The following USH2A variants were observed in gnomAD, a reference collection of about 807,000 sequenced individuals.
The protein encoded by USH2A is Usher syndrome 2A (autosomal recessive, mild).
Under a neutral mutation model 538.9 loss-of-function variants are expected in USH2A, and 443 were observed. The observed-to-expected ratio is 0.82, with a 90% CI of 0.76 to 0.89. The LOEUF is 0.89. USH2A is among the 40% of genes least tolerant of loss of function. USH2A has a pLI of 0.00. For synonymous variants in USH2A, 2,413 were observed against 2,273.5 expected (o/e 1.06, Z -1.75); for missense variants, 6,633 against 6,324.8 (o/e 1.05, Z -1.65).
chr1:215,985,973 A>G (rs1370345676), intron 35 of USH2A, among the ~76,000 whole-genome samples: 1 of 152,204 alleles, frequency 6.6e-6, no homozygotes, highest in East Asian at 1.9e-4. Flanking sequence ...CCATTTTGAC[A>G]TATGTTCACA....
chr1:215,816,872 G>T, intron 48 of USH2A, 125 bp downstream of exon 48: 2 of 1,049,918 alleles, frequency 1.9e-6, no homozygotes, highest in Non-Finnish European at 2.9e-6. Flanking sequence ...TCTTTTCCGT[G>T]GAGTCTTCTT....
chr1:216,285,290 G>A (rs1222852332), intron 11 of USH2A, among the ~76,000 whole-genome samples: 1 of 152,222 alleles, frequency 6.6e-6, no homozygotes, highest in Non-Finnish European at 1.5e-5. Context: ...AACTGCTCCA[G>A]CTATGGCTAA....
chr1:215,982,710 G>A (rs1227540271), intron 35 of USH2A, among the ~76,000 whole-genome samples: 4 of 152,172 alleles, frequency 2.6e-5, no homozygotes, highest in African/African-American at 9.6e-5. Context: ...CAGACATTGT[G>A]TTGCATGCTG....
chr1:216,264,566 G>C (rs1233800770), intron 11 of USH2A, among the ~76,000 whole-genome samples: 1 of 152,080 alleles, frequency 6.6e-6, no homozygotes, highest in Admixed American at 6.6e-5. Context: ...CCAAAGTGCT[G>C]GGATTACAGG....
In USH2A at chr1:215,758,689, A is replaced by T; in HGVS notation, c.11295T>A (p.Val3765=). 1 of 1,613,972 alleles carries T rather than the reference A, an allele frequency of 6.2e-7. No homozygotes were observed. ...CTTCTGGTGTTGACATAGGTGTTTG[A>T]ACAATGTAATCATCACTAGCACTGC... ...GGSSASDDYI[V]QTPMSTPEEI... is the part of the protein sequence containing the mutation. The change falls in exon 58 of 72, where the codon GTT becomes GTA. Residue 3765 remains valine (V), a synonymous_variant. Coordinates refer to ENST00000307340, the MANE Select transcript of USH2A (RefSeq NM_206933.4).
At position 215,978,856 on chromosome 1, in the gene USH2A, G is replaced by A. The variant is rs371496504; in HGVS notation, c.6806-8080C>T. 5.9e-5 allele frequency among the ~76,000 whole-genome samples: 9 copies of A among 152,306 alleles called. No homozygotes were observed. The East Asian group carries it at 1.7e-3, about 29-fold the overall frequency. On this transcript the variant is annotated intron_variant, in intron 35 of 71. Coordinates refer to ENST00000307340, the MANE Select transcript of USH2A (RefSeq NM_206933.4). Reference sequence around the variant, plus strand: ...AATATGTGAAATACCTATGTCTCAGGAAGATGCTTCTGGTGAGGAAAATGA... The same window carrying A: ...AATATGTGAAATACCTATGTCTCAGAAAGATGCTTCTGGTGAGGAAAATGA...
chr1:216,414,519 T>G (rs2039545478), intron 3 of USH2A, among the ~76,000 whole-genome samples: 1 of 152,104 alleles, frequency 6.6e-6, no homozygotes, highest in Non-Finnish European at 1.5e-5. Context: ...AATAATTTTT[T>G]TTCTGATTTT....
At chr1:216,305,085 G>C (rs1457956159) in intron 9 of USH2A, among the ~76,000 whole-genome samples, 1 of 152,004 alleles carries the variant, frequency 6.6e-6, no homozygotes, top group African/African-American at 2.4e-5. Flanking sequence ...TTTCTGTCTT[G>C]ATGATCTGTC....
chr1:215,883,591 C>A (rs1434757491), intron 41 of USH2A, among the ~76,000 whole-genome samples: 2 of 151,874 alleles, frequency 1.3e-5, no homozygotes, highest in African/African-American at 4.8e-5. Flanking sequence ...ATAAAGGGAT[C>A]TGTTTTTTCC....
At chr1:215,786,525 C>A in intron 52 of USH2A, 145 bp downstream of exon 52, 1 of 864,978 alleles carries the variant, frequency 1.2e-6, no homozygotes, top group Non-Finnish European at 1.9e-6. Context: ...CTTTAATTAC[C>A]TTGTAACTAG....
intron 38 of USH2A, 127 bp downstream of exon 38, chr1:215,934,489 C>G: frequency 1.0e-6 from 1 of 958,902 alleles, no homozygotes; most frequent in Non-Finnish European, 1.5e-6. Context: ...ATTAAAAGAA[C>G]CAGAAATACA....
chr1:215,653,364 G>T (rs961866761), intron 64 of USH2A, among the ~76,000 whole-genome samples: 2 of 152,154 alleles, frequency 1.3e-5, no homozygotes, highest in Non-Finnish European at 1.5e-5. Flanking sequence ...AGGCTATTTT[G>T]TCTTTGGCAG....
chr1:216,133,237 T>A (rs1361911821), intron 21 of USH2A, among the ~76,000 whole-genome samples: 2 of 152,120 alleles, frequency 1.3e-5, no homozygotes, highest in Admixed American at 6.6e-5. Context: ...TCTAAATATA[T>A]TTGAACATTT....
intron 26 of USH2A, among the ~76,000 whole-genome samples, chr1:216,082,558 A>G (rs964565351): frequency 6.6e-6 from 1 of 151,924 alleles, no homozygotes. Context: ...TAAGGGTAAG[A>G]TGTTCATATT....
At chr1:215,632,051 T>TTTTTGTTTTGTTTTGTTTTG (rs368845781) in intron 70 of USH2A, among the ~76,000 whole-genome samples, 2 of 152,136 alleles carry the variant, frequency 1.3e-5, no homozygotes, top group South Asian at 4.2e-4. Flanking sequence ...CAGACTTCTT[T>TTTTTGTTTTGTTTTGTTTTG]TTTTGTTTTG....
At chr1:216,253,896 C>T (rs2036210565) in intron 11 of USH2A, among the ~76,000 whole-genome samples, 1 of 152,178 alleles carries the variant, frequency 6.6e-6, no homozygotes, top group Non-Finnish European at 1.5e-5. Flanking sequence ...ATCTTGCACT[C>T]CAATTATCTA....
chr1:215,999,432 A>G (rs1048042798), intron 33 of USH2A, among the ~76,000 whole-genome samples: 9 of 152,194 alleles, frequency 5.9e-5, no homozygotes, highest in Middle Eastern at 3.2e-3. Context: ...CAGGAATCCA[A>G]CACAGGGTTA....
Position 215,728,203 on chromosome 1 carries a change from G to C in USH2A, c.11893C>G (p.Pro3965Ala). The C allele has an allele frequency of 1.2e-6, 2 of 1,614,152 alleles. No homozygotes were observed. Among genetic ancestry groups the C allele is most frequent in the Non-Finnish European group, 1.7e-6 (2 of 1,180,030 alleles). Residue 3965 changes from proline (P) to alanine (A), a missense_variant, in exon 61 of 72, where the codon CCT (proline) becomes GCT (alanine). By Grantham distance (27) the Pro-to-Ala change is conservative (BLOSUM62 -1). Coordinates refer to ENST00000307340, the MANE Select transcript of USH2A (RefSeq NM_206933.4). ...WSLTQTLEAPPQDFPAPWAQA... is the reference protein window; with the variant it reads ...WSLTQTLEAPAQDFPAPWAQA... ...GCCCAAGGAGCTGGAAAATCTTGAGGTGGAGCTTCCAGAGTTTGTGTTAAT... is the reference window on the plus strand; with the variant it reads ...GCCCAAGGAGCTGGAAAATCTTGAGCTGGAGCTTCCAGAGTTTGTGTTAAT...
intron 32 of USH2A, among the ~76,000 whole-genome samples, chr1:216,027,502 G>T (rs376056807): frequency 2.0e-5 from 3 of 152,074 alleles, no homozygotes. Context: ...AGAAATATAC[G>T]TTATTATTTC....
Sources: gnomAD v4.1 joint callset for allele counts (sites outside exome capture counted in the v4.1 genomes callset) on GRCh38, gnomAD v4.1.1 for gene constraint, MANE v1.5 for transcripts, NCBI Gene and HGNC (gene_info 2026-07-23, HGNC 2026-07-21) for gene names.